Variants in PLXDC2 observed in about 807,000 individuals in gnomAD.
PLXDC2 encodes the protein plexin domain containing 2.
Under a neutral mutation model 68.9 loss-of-function variants are expected in PLXDC2, and 40 were observed. The ratio of observed to expected loss-of-function variants is 0.58; its 90% CI spans 0.45 to 0.76. PLXDC2 has a LOEUF of 0.76. PLXDC2 is among the 30% of genes least tolerant of loss of function. The pLI is 0.00. For missense variants in PLXDC2, 644 were observed against 661.9 expected (o/e 0.97, Z 0.30); for synonymous variants, 243 against 234.2 (o/e 1.04, Z -0.34).
At chr10:20,102,229 C>G (rs1470025396) in intron 4 of PLXDC2, among the ~76,000 whole-genome samples, 2 of 152,174 alleles carry the variant, frequency 1.3e-5, no homozygotes, top group Non-Finnish European at 2.9e-5. Flanking sequence ...ATACCAAATC[C>G]ACAATCTACA....
chr10:20,260,171 C>T (rs1173899191), intron 13 of PLXDC2, among the ~76,000 whole-genome samples: 1 of 152,144 alleles, frequency 6.6e-6, no homozygotes, highest in African/African-American at 2.4e-5. Flanking sequence ...CTATCCATCA[C>T]CTTCTATAGA....
chr10:20,039,943 G>A lies in PLXDC2; in HGVS notation c.325-6926G>A, dbSNP rs189943241. On this transcript the variant is annotated intron_variant, in intron 2 of 13. Transcript: ENST00000377252. The stretch of plus-strand genomic sequence containing the variant: ...TTCTAAAACTGAGATTATAGCGTAA[G>A]TGCTGAGAAATAAAAATAAAATTCT... 1.5e-3 allele frequency among the ~76,000 whole-genome samples: 236 copies of A among 152,262 alleles called. 1 individual carries two copies. Among genetic ancestry groups the A allele is most frequent in the African/African-American group, 5.5e-3 (228 of 41,550 alleles).
At chr10:19,923,275 G>T (rs73601651) in intron 1 of PLXDC2, among the ~76,000 whole-genome samples, 4,822 of 152,148 alleles carry the variant, frequency 0.032, 257 homozygotes, top group African/African-American at 0.11. Flanking sequence ...TGTTAGAAAA[G>T]TCTCGCCTGA....
chr10:20,223,312 A>ATTTTTTTT (rs58086408), intron 12 of PLXDC2, among the ~76,000 whole-genome samples: 1 of 131,176 alleles, frequency 7.6e-6, no homozygotes, highest in Admixed American at 8.1e-5. Context: ...ACAGAATTGA[A>ATTTTTTTT]TTTTTTTTTT....
At chr10:20,005,915 C>T (rs970300818) in intron 2 of PLXDC2, among the ~76,000 whole-genome samples, 2 of 152,084 alleles carry the variant, frequency 1.3e-5, no homozygotes, top group Admixed American at 6.6e-5. Context: ...GTGGGCCAGG[C>T]GCAGTGGCTC....
At chr10:19,934,960 A>G (rs186779014) in intron 1 of PLXDC2, among the ~76,000 whole-genome samples, 2 of 152,336 alleles carry the variant, frequency 1.3e-5, no homozygotes, top group East Asian at 3.9e-4. Context: ...TGTAGGGTCC[A>G]CAGTATTTCA....
chr10:20,057,449 G>A (rs1400078309), intron 3 of PLXDC2, among the ~76,000 whole-genome samples: 1 of 152,006 alleles, frequency 6.6e-6, no homozygotes, highest in Non-Finnish European at 1.5e-5. Flanking sequence ...TATCACTTAG[G>A]TGATGGATGG....
chr10:20,050,625 A>G (rs748211901), intron 3 of PLXDC2, among the ~76,000 whole-genome samples: 23 of 152,300 alleles, frequency 1.5e-4, no homozygotes, highest in Non-Finnish European at 2.1e-4. Context: ...ACTGATGGTT[A>G]CAGAAATGCA....
At chr10:20,002,910 C>T (rs902541051) in intron 2 of PLXDC2, among the ~76,000 whole-genome samples, 15 of 152,230 alleles carry the variant, frequency 9.9e-5, no homozygotes, top group East Asian at 7.7e-4. Flanking sequence ...TTTTCTGGAA[C>T]GTAGGATGGC....
chr10:20,124,647 A>AT (rs1833746069), intron 4 of PLXDC2, among the ~76,000 whole-genome samples: 1 of 148,956 alleles, frequency 6.7e-6, no homozygotes, highest in South Asian at 2.2e-4. Context: ...GCGAAGGGAG[A>AT]TGGGGGTGGG....
At chr10:20,006,580 AAAC>A (rs1190837496) in intron 2 of PLXDC2, among the ~76,000 whole-genome samples, 2 of 152,164 alleles carry the variant, frequency 1.3e-5, no homozygotes, top group East Asian at 1.9e-4. Flanking sequence ...AACTTAAATA[AAAC>A]AACAACAACA....
chr10:20,223,393 G>A (rs7911797), intron 12 of PLXDC2, among the ~76,000 whole-genome samples: 67,580 of 148,978 alleles, frequency 0.45, 17,490 homozygotes, highest in Middle Eastern at 0.66. Context: ...GCTCACTGCA[G>A]CCTCTGCCTC....
chr10:19,936,224 C>G (rs1324405343), intron 1 of PLXDC2, among the ~76,000 whole-genome samples: 1 of 152,186 alleles, frequency 6.6e-6, no homozygotes, highest in African/African-American at 2.4e-5. Context: ...CCTGTGTACT[C>G]TGCTCTGGAA....
intron 1 of PLXDC2, among the ~76,000 whole-genome samples, chr10:19,819,333 C>T (rs1043212974): frequency 6.6e-6 from 1 of 152,082 alleles, no homozygotes; most frequent in Non-Finnish European, 1.5e-5. Flanking sequence ...ACAGAAGTAG[C>T]TTCTTTCCTG....
intron 4 of PLXDC2, among the ~76,000 whole-genome samples, chr10:20,135,889 C>G (rs533088425): frequency 3.2e-4 from 48 of 152,046 alleles, no homozygotes; most frequent in African/African-American, 8.0e-4. Flanking sequence ...TGTATTTTAC[C>G]TTGACAGCTG....
chr10:20,183,166 A>T (rs1234788087), intron 9 of PLXDC2, among the ~76,000 whole-genome samples: 1 of 151,978 alleles, frequency 6.6e-6, no homozygotes, highest in Non-Finnish European at 1.5e-5. Context: ...ATCAGACTTC[A>T]AGTGGAAATG....
intron 1 of PLXDC2, among the ~76,000 whole-genome samples, chr10:19,998,093 A>AAT (rs1251084053): frequency 6.6e-6 from 1 of 152,186 alleles, no homozygotes; most frequent in African/African-American, 2.4e-5. Flanking sequence ...GAAAGCAAAC[A>AAT]ATCTGTTCAG....
chr10:20,193,617 A>G (rs1341474344), intron 9 of PLXDC2, among the ~76,000 whole-genome samples: 1 of 152,070 alleles, frequency 6.6e-6, no homozygotes, highest in Non-Finnish European at 1.5e-5. Flanking sequence ...CTTTTGCTAT[A>G]AATATTTTTC....
intron 4 of PLXDC2, among the ~76,000 whole-genome samples, chr10:20,141,092 CTACT>C (rs927728468): frequency 1.3e-5 from 2 of 152,122 alleles, no homozygotes; most frequent in African/African-American, 4.8e-5. Context: ...TTCTGTATTT[CTACT>C]TACTTCTTTG....
Sources: gnomAD v4.1 joint callset for allele counts (sites outside exome capture counted in the v4.1 genomes callset) on GRCh38, gnomAD v4.1.1 for gene constraint, MANE v1.5 for transcripts, NCBI Gene and HGNC (gene_info 2026-07-23, HGNC 2026-07-21) for gene names.